The following CCNJL variants were observed in gnomAD, a reference collection of about 807,000 sequenced individuals.
The protein encoded by CCNJL is cyclin J like, also known as cyclin-J-like protein.
Under a neutral mutation model 33.4 loss-of-function variants are expected in CCNJL, and 33 were observed. That is an observed-to-expected ratio of 0.99 (90% CI 0.75 to 1.32). The LOEUF (loss-of-function observed/expected upper bound fraction) is 1.32, where lower values mean the gene tolerates loss of function less well. Among genes scored for constraint, CCNJL ranks in the 40% most tolerant of loss-of-function variants. CCNJL has a pLI of 0.00. For synonymous variants in CCNJL, 227 were observed against 220.9 expected (o/e 1.03, Z -0.24); for missense variants, 512 against 499.7 (o/e 1.02, Z -0.23).
chr5:160,303,700 C>CTGTGTGTGTGTG (rs551491563), intron 2 of CCNJL, among the ~76,000 whole-genome samples: 19 of 104,298 alleles, frequency 1.8e-4, no homozygotes, highest in East Asian at 4.9e-4. Flanking sequence ...CTCTGTGTGT[C>CTGTGTGTGTGTG]TGTGTGTGTG....
intron 5 of CCNJL, chr5:160,254,367 A>AG (rs1760960970): frequency 1.5e-6 from 1 of 657,874 alleles, no homozygotes. Flanking sequence ...TCTCAAAAAA[A>AG]GCTTCCCATA....
At chr5:160,298,230 C>T (rs533561709) in intron 2 of CCNJL, among the ~76,000 whole-genome samples, 8 of 152,144 alleles carry the variant, frequency 5.3e-5, no homozygotes, top group Admixed American at 1.3e-4. Context: ...CGTGGTGGTG[C>T]GCACCTGTAA....
intron 2 of CCNJL, among the ~76,000 whole-genome samples, chr5:160,284,942 C>G (rs1012163401): frequency 6.6e-6 from 1 of 151,616 alleles, no homozygotes; most frequent in African/African-American, 2.4e-5. Context: ...TCATGGAGCT[C>G]GGCTGGGCAC....
intron 1 of CCNJL, among the ~76,000 whole-genome samples, chr5:160,319,734 G>A (rs1020195698): frequency 3.3e-5 from 5 of 152,076 alleles, no homozygotes; most frequent in African/African-American, 7.2e-5. Context: ...AGCTTAAGAC[G>A]AGCCTAGGAA....
chr5:160,258,858 G>A (rs1445196377), intron 4 of CCNJL, among the ~76,000 whole-genome samples: 8 of 152,044 alleles, frequency 5.3e-5, no homozygotes, highest in Non-Finnish European at 1.0e-4. Context: ...CACCACACCC[G>A]GTTAATATTT....
Position 160,321,078 on chromosome 5 carries a change from CTTT to C in CCNJL, n.207-5576_207-5574del, listed in dbSNP as rs1561812922. Reference sequence around the variant, plus strand: ...TCTTTCTTTCTTTCTTTCTTTCTTTCTTTCTTTCTTTCCTTCTCTCTTTCTCTC... The same window carrying C: ...TCTTTCTTTCTTTCTTTCTTTCTTTCCTTTCTTTCCTTCTCTCTTTCTCTC... On this transcript the variant is annotated intron_variant and non_coding_transcript_variant, in intron 1 of 7. Coordinates refer to the CCNJL transcript ENST00000377503. Among the ~76,000 whole-genome samples the C allele has an allele frequency of 2.1e-3, 223 of 103,988 alleles. 2 individuals are homozygous for C. The highest frequency in any genetic ancestry group is 6.5e-3 in the African/African-American group (103 of 15,898). The allele number at this position is 103,988 out of a possible 152,430, so 68.2% of individuals were successfully genotyped here. A position where few individuals can be genotyped will look rare whatever the true frequency, so the allele number is the denominator to read the frequency against.
chr5:160,290,687 G>A (rs1762554119), intron 2 of CCNJL, among the ~76,000 whole-genome samples: 1 of 152,032 alleles, frequency 6.6e-6, no homozygotes, highest in Admixed American at 6.6e-5. Flanking sequence ...CTGCTAGACT[G>A]TAACCACCAT....
Position 160,280,638 on chromosome 5 carries a change from C to A in CCNJL, c.167G>T (p.Cys56Phe). 6.2e-7 allele frequency: 1 copy of A among 1,613,564 alleles called. No individual in the cohort carries two copies. The highest frequency in any genetic ancestry group is 8.5e-7 in the Non-Finnish European group (1 of 1,179,948). ...LTLLSSHCQLCPAARHLAVYL... is the reference protein window; with the variant it reads ...LTLLSSHCQLFPAARHLAVYL... ...GACGGCCAGGTGCCGGGCTGCAGGG[C>A]AGAGCTGGCAGTGGCTGCTCAGCAG... The change falls in exon 3 of 6, where the codon TGC becomes TTC. Residue 56 changes from cysteine (C) to phenylalanine (F), a missense_variant. Physicochemically the swap from Cys to Phe is radical, Grantham distance 205. Transcript: ENST00000257536.
intron 1 of CCNJL, among the ~76,000 whole-genome samples, chr5:160,320,519 C>T (rs369973169): frequency 8.1e-4 from 124 of 152,214 alleles, no homozygotes; most frequent in African/African-American, 2.7e-3. Context: ...AGGAAAAAAC[C>T]GCCTGAGTTT....
At chr5:160,323,262 ATTTG>A (rs1425888370) in intron 1 of CCNJL, among the ~76,000 whole-genome samples, 10 of 151,814 alleles carry the variant, frequency 6.6e-5, no homozygotes, top group African/African-American at 2.2e-4. Flanking sequence ...TCCCTCAAAA[ATTTG>A]TTTGTTTGTT....
intron 2 of CCNJL, among the ~76,000 whole-genome samples, chr5:160,288,214 G>T (rs2113379885): frequency 6.8e-6 from 1 of 146,678 alleles, no homozygotes; most frequent in East Asian, 2.0e-4. Flanking sequence ...GTCGGGATGG[G>T]CACTGAGATC....
chr5:160,322,832 C>T (rs1419152434), intron 1 of CCNJL, among the ~76,000 whole-genome samples: 2 of 151,812 alleles, frequency 1.3e-5, no homozygotes, highest in African/African-American at 4.8e-5. Context: ...TCGCTTGAAA[C>T]AGGCAGGCAG....
chr5:160,321,063 TTTC>T (rs1763454060), intron 1 of CCNJL, among the ~76,000 whole-genome samples: 2 of 120,104 alleles, frequency 1.7e-5, no homozygotes, highest in African/African-American at 8.2e-5. Flanking sequence ...TCTTTCTTTC[TTTC>T]TTTCTTTCTT....
chr5:160,258,830 G>C (rs532759805), intron 4 of CCNJL, among the ~76,000 whole-genome samples: 1 of 152,240 alleles, frequency 6.6e-6, no homozygotes, highest in African/African-American at 2.4e-5. Context: ...CCAAATAGCT[G>C]GGACTACAGG....
chr5:160,268,432 G>A (rs1257957599), intron 3 of CCNJL, among the ~76,000 whole-genome samples: 1 of 152,208 alleles, frequency 6.6e-6, no homozygotes, highest in African/African-American at 2.4e-5. Flanking sequence ...TTGTGGTGAG[G>A]GTGACATGAT....
intron 5 of CCNJL, chr5:160,254,278 T>C: frequency 1.6e-6 from 1 of 642,970 alleles, no homozygotes; most frequent in Non-Finnish European, 2.8e-6. Context: ...ACTCCTTAGC[T>C]AGCTGATATC....
chr5:160,285,061 G>T (rs1005431407), intron 2 of CCNJL, among the ~76,000 whole-genome samples: 1 of 152,034 alleles, frequency 6.6e-6, no homozygotes, highest in Non-Finnish European at 1.5e-5. Context: ...ATGGTGGCAC[G>T]CTTCTGTAAT....
At chr5:160,295,891 T>G (rs372438156) in intron 2 of CCNJL, among the ~76,000 whole-genome samples, 3 of 152,312 alleles carry the variant, frequency 2.0e-5, no homozygotes, top group East Asian at 1.9e-4. Context: ...CCTAGGGACC[T>G]AATACACCCT....
chr5:160,336,954 A>AT (rs112451858), intron 1 of CCNJL, among the ~76,000 whole-genome samples: 11 of 124,068 alleles, frequency 8.9e-5, no homozygotes, highest in South Asian at 5.2e-4. Flanking sequence ...CCTTGCTGGG[A>AT]TTTTTTTTTT....
Sources: allele counts gnomAD v4.1 joint callset (sites outside exome capture counted in the v4.1 genomes callset), GRCh38; gene constraint gnomAD v4.1.1; transcripts MANE v1.5; gene names NCBI Gene and HGNC (gene_info 2026-07-23, HGNC 2026-07-21).